The following RPAP2 variants were observed in gnomAD, a reference collection of about 807,000 sequenced individuals.
The protein encoded by RPAP2 is putative RNA polymerase II subunit B1 CTD phosphatase RPAP2.
Under a neutral mutation model 73.1 loss-of-function variants are expected in RPAP2, and 52 were observed. That is an observed-to-expected ratio of 0.71 (90% confidence interval 0.57 to 0.90). The LOEUF (loss-of-function observed/expected upper bound fraction) is 0.90. Among genes scored for constraint, RPAP2 ranks in the 40% least tolerant of loss-of-function variants. The pLI is 0.00. For missense variants in RPAP2, 598 were observed against 701.8 expected (o/e 0.85, Z 1.67); for synonymous variants, 225 against 242.1 (o/e 0.93, Z 0.65).
At position 92,323,913 on chromosome 1, in the gene RPAP2, G is replaced by A; in HGVS notation, c.993G>A (p.Lys331=). The A allele has an allele frequency of 6.2e-7, 1 of 1,614,148 alleles. No homozygotes were observed. Among genetic ancestry groups the A allele is most frequent in the Non-Finnish European group, 8.5e-7 (1 of 1,179,986 alleles). ...AAATAACTCTAGTAGGCATAAGTAA[G>A]AAAAGTGCAGAGCATTTTAAGAGAA... The part of the protein sequence containing the change: ...RSEITLVGIS[K]KSAEHFKRKF... Residue 331 remains lysine (K), a synonymous_variant, in exon 8 of 13, where the codon AAG becomes AAA. Transcript: ENST00000610020.
At chr1:92,302,688 G>A (rs931906329) in intron 3 of RPAP2, among the ~76,000 whole-genome samples, 4 of 126,778 alleles carry the variant, frequency 3.2e-5, no homozygotes, top group African/African-American at 6.0e-5. Flanking sequence ...TGCAAGCTCC[G>A]CCTCCCGTGT....
intron 6 of RPAP2, among the ~76,000 whole-genome samples, chr1:92,316,063 C>A (rs932914177): frequency 2.6e-5 from 4 of 152,074 alleles, no homozygotes; most frequent in Non-Finnish European, 1.5e-5. Context: ...CTCTGACAAG[C>A]CTTTGAAGGT....
chr1:92,369,413 G>A (rs912783365), intron 11 of RPAP2, among the ~76,000 whole-genome samples: 8 of 152,058 alleles, frequency 5.3e-5, no homozygotes, highest in Non-Finnish European at 1.0e-4. Context: ...TGTGGGAACC[G>A]ATCCTCCCAC....
chr1:92,380,974 C>A, intron 12 of RPAP2, 101 bp downstream of exon 12: 2 of 939,420 alleles, frequency 2.1e-6, no homozygotes, highest in Non-Finnish European at 3.1e-6. Context: ...AAGTACAGAC[C>A]TCAAGATGCC....
intron 6 of RPAP2, among the ~76,000 whole-genome samples, chr1:92,312,968 C>T (rs531225748): frequency 1.3e-5 from 2 of 152,258 alleles, no homozygotes; most frequent in African/African-American, 4.8e-5. Flanking sequence ...CAGGCTCAAG[C>T]GATTCTCATG....
intron 11 of RPAP2, among the ~76,000 whole-genome samples, chr1:92,362,137 A>G (rs777230240): frequency 4.6e-5 from 7 of 152,206 alleles, no homozygotes; most frequent in Non-Finnish European, 8.8e-5. Context: ...TGAAAGTTAT[A>G]AGGAGAAAAA....
intron 6 of RPAP2, among the ~76,000 whole-genome samples, chr1:92,315,004 C>T (rs1376828806): frequency 6.6e-6 from 1 of 152,020 alleles, no homozygotes; most frequent in Non-Finnish European, 1.5e-5. Context: ...GAGATAGTGC[C>T]ACTGCACTCC....
intron 6 of RPAP2, among the ~76,000 whole-genome samples, chr1:92,307,726 A>T (rs1003912324): frequency 2.7e-5 from 4 of 150,212 alleles, no homozygotes; most frequent in Non-Finnish European, 5.9e-5. Flanking sequence ...TTAAAAAGTA[A>T]TTTTTTTTTT....
At chr1:92,376,349 G>A (rs1341779919) in intron 11 of RPAP2, among the ~76,000 whole-genome samples, 1 of 152,106 alleles carries the variant, frequency 6.6e-6, no homozygotes, top group Non-Finnish European at 1.5e-5. Context: ...ACTGGTGGGG[G>A]AGGAGTCTTT....
Position 92,345,776 on chromosome 1 carries a change from G to A in RPAP2, c.1620-70G>A, listed in dbSNP as rs147810100. 92 of 954,136 alleles carry A rather than the reference G, an allele frequency of 9.6e-5. No individual in the cohort carries two copies. The African/African-American group carries it at 1.2e-3, about 13-fold the overall frequency. The allele number at this position is 954,136 out of a possible 1,614,324, so 59.1% of individuals were successfully genotyped here. On this transcript the variant is annotated intron_variant, in intron 10 of 12. Coordinates refer to ENST00000610020, the MANE Select transcript of RPAP2 (RefSeq NM_024813.3). ...TTTGGCACATTATTATAAATCTGAT[G>A]TTATCTAGAAAGAAATAGAAAGTTT...
At position 92,389,891 on chromosome 1, in the gene RPAP2, T is replaced by G. The variant is rs1655987171; in HGVS notation, c.*2880T>G. 6.6e-6 allele frequency: 1 copy of G among 152,126 alleles called. No homozygotes were observed. The highest frequency in any genetic ancestry group is 1.5e-5 in the Non-Finnish European group (1 of 68,030). The allele number at this position is 152,126 out of a possible 1,614,324, so 9.4% of individuals were successfully genotyped here. On this transcript the variant is annotated 3_prime_UTR_variant, in exon 13 of 13. Transcript: ENST00000610020. Reference sequence around the variant, plus strand: ...ACAAAGCCTCCAAGAAATATGAGACTATGTGAAAAGACCAAATCTATGTTT... The same window carrying G: ...ACAAAGCCTCCAAGAAATATGAGACGATGTGAAAAGACCAAATCTATGTTT...
intron 9 of RPAP2, among the ~76,000 whole-genome samples, chr1:92,334,862 C>T (rs941478390): frequency 2.4e-4 from 36 of 152,218 alleles, no homozygotes; most frequent in African/African-American, 8.4e-4. Context: ...GTGGCGGATG[C>T]CTGTAGTCCC....
At chr1:92,333,571 T>C in intron 9 of RPAP2, 98 bp downstream of exon 9, 1 of 827,916 alleles carries the variant, frequency 1.2e-6, no homozygotes, top group Non-Finnish European at 1.9e-6. Context: ...TTTTGAACAT[T>C]TTGAAAAATA....
chr1:92,360,346 A>G (rs980317833), intron 11 of RPAP2, among the ~76,000 whole-genome samples: 3 of 152,168 alleles, frequency 2.0e-5, no homozygotes, highest in Non-Finnish European at 2.9e-5. Flanking sequence ...AGGAGTGGAG[A>G]CCAGATTGCA....
At chr1:92,375,171 G>T (rs1335022949) in intron 11 of RPAP2, among the ~76,000 whole-genome samples, 5 of 151,902 alleles carry the variant, frequency 3.3e-5, no homozygotes, top group African/African-American at 1.2e-4. Flanking sequence ...TTATACATCA[G>T]ATTTTCAGGG....
At chr1:92,361,557 T>G (rs1377949839) in intron 11 of RPAP2, among the ~76,000 whole-genome samples, 1 of 152,158 alleles carries the variant, frequency 6.6e-6, no homozygotes, top group Non-Finnish European at 1.5e-5. Flanking sequence ...ATTATAGAGA[T>G]GTAATCTGTA....
intron 7 of RPAP2, 56 bp from the exon 8 acceptor site, chr1:92,323,389 T>C (rs1652425888): frequency 7.9e-7 from 1 of 1,273,064 alleles, no homozygotes; most frequent in African/African-American, 1.5e-5. Flanking sequence ...TCTATTGTTT[T>C]CGGGTTTTAT....
intron 6 of RPAP2, among the ~76,000 whole-genome samples, chr1:92,309,780 A>C (rs1236025382): frequency 6.6e-6 from 1 of 152,198 alleles, no homozygotes; most frequent in Admixed American, 6.5e-5. Context: ...AAGTGAGAAA[A>C]TAAACTTGTG....
chr1:92,310,788 T>A (rs72958791), intron 6 of RPAP2, among the ~76,000 whole-genome samples: 6 of 151,924 alleles, frequency 3.9e-5, no homozygotes, highest in African/African-American at 1.5e-4. Flanking sequence ...CCCCAGCTAC[T>A]TGGGAGGCTG....
Sources: allele counts gnomAD v4.1 joint callset (sites outside exome capture counted in the v4.1 genomes callset), GRCh38; gene constraint gnomAD v4.1.1; transcripts MANE v1.5; gene names NCBI Gene and HGNC (gene_info 2026-07-23, HGNC 2026-07-21).